Variants in KCNMA1 observed in about 807,000 individuals in gnomAD.
The protein encoded by KCNMA1 is potassium calcium-activated channel subfamily M alpha 1.
A neutral mutation model predicts 140.0 loss-of-function variants in KCNMA1; 29 were observed. The ratio of observed to expected loss-of-function variants is 0.21; its 90% CI spans 0.15 to 0.28. The LOEUF (loss-of-function observed/expected upper bound fraction) is 0.28. Among genes scored for constraint, KCNMA1 ranks in the 10% least tolerant of loss-of-function variants. KCNMA1 has a pLI of 1.00. For synonymous variants in KCNMA1, 612 were observed against 611.9 expected (o/e 1.00, Z 0.00); for missense variants, 880 against 1,602.2 (o/e 0.55, Z 7.70).
chr10:77,341,500 AAC>A (rs2090914229), intron 2 of KCNMA1, among the ~76,000 whole-genome samples: 1 of 152,122 alleles, frequency 6.6e-6, no homozygotes, highest in African/African-American at 2.4e-5. Flanking sequence ...ACAGTGGAGA[AAC>A]ACAGCAATTT....
At chr10:77,603,482 C>G (rs139538935) in intron 1 of KCNMA1, among the ~76,000 whole-genome samples, 79 of 152,274 alleles carry the variant, frequency 5.2e-4, no homozygotes, top group Middle Eastern at 3.4e-3. Flanking sequence ...TGTGTCCCTT[C>G]AGGAGAACAG....
chr10:77,386,071 T>C (rs1048130341), intron 2 of KCNMA1, among the ~76,000 whole-genome samples: 1 of 152,168 alleles, frequency 6.6e-6, no homozygotes, highest in African/African-American at 2.4e-5. Context: ...AGAAACAAGT[T>C]CCAAGGAGCA....
chr10:77,439,087 A>AAAGAGAAGAGAAGACAAGAG (rs2097328333), intron 1 of KCNMA1, among the ~76,000 whole-genome samples: 1 of 124,848 alleles, frequency 8.0e-6, no homozygotes, highest in Non-Finnish European at 1.7e-5. Flanking sequence ...AAAGAAAAGA[A>AAAGAGAAGAGAAGACAAGAG]AAGAGAAGAG....
chr10:77,265,174 C>T (rs1382585149), intron 2 of KCNMA1, among the ~76,000 whole-genome samples: 1 of 151,628 alleles, frequency 6.6e-6, no homozygotes. Context: ...GTCTCAGCCT[C>T]CCAAGTACCT....
chr10:77,247,557 G>A (rs1363419203), intron 3 of KCNMA1, among the ~76,000 whole-genome samples: 2 of 152,186 alleles, frequency 1.3e-5, no homozygotes, highest in African/African-American at 4.8e-5. Flanking sequence ...TGGGAGGACA[G>A]GGTTGGCGTT....
intron 2 of KCNMA1, among the ~76,000 whole-genome samples, chr10:77,325,611 C>A (rs894981609): frequency 2.6e-5 from 4 of 152,214 alleles, no homozygotes; most frequent in Non-Finnish European, 5.9e-5. Flanking sequence ...CCCATGGATG[C>A]CCACTGGGCC....
chr10:77,177,722 G>A (rs1239441768), intron 5 of KCNMA1, among the ~76,000 whole-genome samples: 2 of 151,976 alleles, frequency 1.3e-5, no homozygotes, highest in Admixed American at 6.6e-5. Flanking sequence ...CTGAGCCCCA[G>A]CCTCTCACAG....
At chr10:77,295,947 G>A (rs567995682) in intron 2 of KCNMA1, among the ~76,000 whole-genome samples, 204 of 151,890 alleles carry the variant, frequency 1.3e-3, no homozygotes, top group Admixed American at 3.2e-3. Flanking sequence ...CTCTTTAAAA[G>A]TAATTTTGTA....
intron 2 of KCNMA1, among the ~76,000 whole-genome samples, chr10:77,260,200 T>C (rs545762772): frequency 6.6e-6 from 1 of 152,076 alleles, no homozygotes; most frequent in South Asian, 2.1e-4. Flanking sequence ...AGGACAGTCC[T>C]GCACACAGAC....
intron 1 of KCNMA1, among the ~76,000 whole-genome samples, chr10:77,500,615 G>C (rs1220989383): frequency 6.6e-6 from 1 of 152,166 alleles, no homozygotes. Flanking sequence ...ATAATCCAAA[G>C]TGAGTATCTA....
intron 3 of KCNMA1, among the ~76,000 whole-genome samples, chr10:77,198,334 G>A (rs375328488): frequency 9.2e-5 from 14 of 151,944 alleles, no homozygotes; most frequent in Admixed American, 3.9e-4. Context: ...GTGAAAGCTC[G>A]GGTGGTGCAA....
intron 2 of KCNMA1, among the ~76,000 whole-genome samples, chr10:77,348,865 AGGAAGGTGCT>A (rs1603299797): frequency 2.0e-5 from 3 of 152,170 alleles, no homozygotes; most frequent in Admixed American, 6.5e-5. Context: ...ATCTTTGCAA[AGGAAGGTGCT>A]GGAATTCCTC....
At chr10:77,367,462 C>T (rs193123773) in intron 2 of KCNMA1, among the ~76,000 whole-genome samples, 79 of 152,248 alleles carry the variant, frequency 5.2e-4, no homozygotes, top group African/African-American at 1.8e-3. Context: ...CCCAAGAGCC[C>T]CAGCATCACT....
chr10:76,947,471 C>A (rs1464676810), intron 22 of KCNMA1, among the ~76,000 whole-genome samples: 1 of 152,170 alleles, frequency 6.6e-6, no homozygotes, highest in Non-Finnish European at 1.5e-5. Flanking sequence ...CATACACACA[C>A]AGACTCATGT....
chr10:77,637,112 A>C, intron 1 of KCNMA1, 153 bp downstream of exon 1: 2 of 1,276,074 alleles, frequency 1.6e-6, no homozygotes. Flanking sequence ...ATCCGAGAGC[A>C]CCGGGAGAGC....
Position 77,637,720 on chromosome 10 carries a change from A to G in KCNMA1, c.-78T>C. The G allele has an allele frequency of 7.3e-7, 1 of 1,375,672 alleles. No homozygotes were observed. Among genetic ancestry groups the G allele is most frequent in the Non-Finnish European group, 9.3e-7 (1 of 1,077,662 alleles). The allele number at this position is 1,375,672 out of a possible 1,614,324, so 85.2% of individuals were successfully genotyped here. A position where few individuals can be genotyped will look rare whatever the true frequency, so the allele number is the denominator to read the frequency against. ...AGCGCCACCCCAAACACCCATCAAC[A>G]GCCATATTGCTGCTACTGCTGCCGC... On this transcript the variant is annotated 5_prime_UTR_variant, in exon 1 of 28. Coordinates refer to ENST00000286628, the MANE Select transcript of KCNMA1 (RefSeq NM_001161352.2).
chr10:77,492,763 G>A (rs139021039), intron 1 of KCNMA1, among the ~76,000 whole-genome samples: 98 of 152,314 alleles, frequency 6.4e-4, no homozygotes, highest in Non-Finnish European at 1.1e-3. Context: ...TCCCTTTACA[G>A]ATGTCTGGCA....
At chr10:77,351,571 C>T (rs947312217) in intron 2 of KCNMA1, among the ~76,000 whole-genome samples, 1 of 152,208 alleles carries the variant, frequency 6.6e-6, no homozygotes, top group African/African-American at 2.4e-5. Flanking sequence ...CTGCCCCTTG[C>T]TTTCTTATTA....
intron 26 of KCNMA1, 155 bp from the exon 27 acceptor site, chr10:76,889,724 A>G: frequency 1.4e-6 from 1 of 719,776 alleles, no homozygotes; most frequent in East Asian, 2.6e-5. Context: ...AGAAGTCAAC[A>G]TGTTTAACAG....
Sources: allele counts gnomAD v4.1 joint callset (sites outside exome capture counted in the v4.1 genomes callset), GRCh38; gene constraint gnomAD v4.1.1; transcripts MANE v1.5; gene names NCBI Gene and HGNC (gene_info 2026-07-23, HGNC 2026-07-21).